Variants in TMEM273 observed in about 807,000 individuals in gnomAD.
TMEM273 encodes chromosome 10 open reading frame 128.
TMEM273 carries 19 observed loss-of-function variants against 17.9 expected under a neutral mutation model. The observed-to-expected ratio is 1.06, with a 90% CI of 0.74 to 1.55. TMEM273 has a LOEUF of 1.55. Ranked by LOEUF, TMEM273 falls within the 40% of genes most tolerant of loss-of-function variation. TMEM273 has a pLI of 0.00. For missense variants in TMEM273, 194 were observed against 155.6 expected (o/e 1.25, Z -1.31); for synonymous variants, 66 against 62.0 (o/e 1.07, Z -0.31).
chr10:49,161,498 T>A, intron 6 of TMEM273, 101 bp downstream of exon 6: 1 of 1,489,322 alleles, frequency 6.7e-7, no homozygotes, highest in Non-Finnish European at 9.4e-7. Flanking sequence ...CCGTCCCACG[T>A]GGCCAGGGGA....
At chr10:49,165,312 A>G (rs1248142349) in intron 4 of TMEM273, 29 bp from the exon 5 acceptor site, 1 of 1,550,542 alleles carries the variant, frequency 6.4e-7, no homozygotes, top group South Asian at 1.2e-5. Context: ...ATTACAGAAA[A>G]CAGCAAGTGC....
At chr10:49,183,467 C>G (rs1847477988) in intron 1 of TMEM273, among the ~76,000 whole-genome samples, 1 of 151,950 alleles carries the variant, frequency 6.6e-6, no homozygotes, top group African/African-American at 2.4e-5. Flanking sequence ...GTTCTTTGTA[C>G]TATTTTTATT....
At chr10:49,184,909 G>A (rs1000043776) in intron 1 of TMEM273, among the ~76,000 whole-genome samples, 1 of 152,336 alleles carries the variant, frequency 6.6e-6, no homozygotes, top group Non-Finnish European at 1.5e-5. Flanking sequence ...GTGGAAACTT[G>A]TAGAGTAGTT....
intron 2 of TMEM273, 56 bp from the exon 3 acceptor site, chr10:49,167,065 C>T (rs1295719814): frequency 6.3e-7 from 1 of 1,597,376 alleles, no homozygotes; most frequent in East Asian, 2.2e-5. Flanking sequence ...GCTCCCTCTG[C>T]ATTCCAGATG....
intron 6 of TMEM273, among the ~76,000 whole-genome samples, chr10:49,159,602 A>T (rs1845714600): frequency 6.6e-6 from 1 of 152,206 alleles, no homozygotes; most frequent in Non-Finnish European, 1.5e-5. Context: ...CTGCCCATTG[A>T]AAGGGCCTAG....
chr10:49,165,498 TG>T (rs1191171388), intron 4 of TMEM273: 2 of 1,429,946 alleles, frequency 1.4e-6, no homozygotes, highest in African/African-American at 1.4e-5. Context: ...GGGGTCTGAG[TG>T]GGGGTGGAAC....
chr10:49,161,706 T>C lies in TMEM273; in HGVS notation c.349-84A>G. On this transcript the variant is annotated intron_variant, in intron 5 of 6. Coordinates refer to ENST00000374153, the MANE Select transcript of TMEM273 (RefSeq NM_001288740.3). Reference sequence around the variant, plus strand: ...GCAAAACTTGCTGCAAGAGAGTGGCTTGCTTGTCATTAGCTTGCTCTTTTG... The same window carrying C: ...GCAAAACTTGCTGCAAGAGAGTGGCCTGCTTGTCATTAGCTTGCTCTTTTG... 7 of 1,551,616 alleles carry C rather than the reference T, an allele frequency of 4.5e-6. No individual in the cohort carries two copies. The South Asian group carries it at 7.8e-5, about 17-fold the overall frequency.
At chr10:49,160,331 A>G (rs1323280865) in intron 6 of TMEM273, 1 of 152,214 alleles carries the variant, frequency 6.6e-6, no homozygotes, top group East Asian at 1.9e-4. Context: ...AAAGATACAC[A>G]ACATCACTTC....
chr10:49,180,001 A>G (rs776495829), intron 1 of TMEM273, among the ~76,000 whole-genome samples: 5 of 152,192 alleles, frequency 3.3e-5, no homozygotes, highest in South Asian at 2.1e-4. Flanking sequence ...CCACTCCCCA[A>G]CGAGGGTGGT....
chr10:49,158,944 A>G (rs1485443316), intron 6 of TMEM273, among the ~76,000 whole-genome samples: 1 of 152,188 alleles, frequency 6.6e-6, no homozygotes, highest in Admixed American at 6.5e-5. Context: ...TTCTAATTTT[A>G]TTTTAAAAAG....
chr10:49,167,844 C>A, intron 2 of TMEM273, 65 bp downstream of exon 2: 1 of 1,595,872 alleles, frequency 6.3e-7, no homozygotes, highest in Non-Finnish European at 8.6e-7. Context: ...CCTCTGCTTG[C>A]TTGTCTTGGG....
intron 4 of TMEM273, 117 bp downstream of exon 4, chr10:49,165,649 C>A: frequency 1.4e-6 from 2 of 1,428,234 alleles, no homozygotes; most frequent in South Asian, 1.2e-5. Context: ...GCATTCTAGT[C>A]ACCTAGAAAG....
chr10:49,162,496 C>A (rs192677119), intron 5 of TMEM273, among the ~76,000 whole-genome samples: 2 of 152,170 alleles, frequency 1.3e-5, no homozygotes, highest in African/African-American at 4.8e-5. Flanking sequence ...AAGCAAAGTG[C>A]CTTAACTCAA....
intron 1 of TMEM273, among the ~76,000 whole-genome samples, chr10:49,170,834 C>T (rs1487869240): frequency 1.3e-5 from 2 of 152,194 alleles, no homozygotes; most frequent in East Asian, 1.9e-4. Flanking sequence ...TGGCCGGCCC[C>T]ACCCCTGCAT....
intron 1 of TMEM273, among the ~76,000 whole-genome samples, chr10:49,179,488 C>A (rs1342384818): frequency 1.3e-5 from 2 of 152,210 alleles, no homozygotes; most frequent in Non-Finnish European, 1.5e-5. Flanking sequence ...CCCCAAAGAG[C>A]ATTACTCCAA....
At chr10:49,161,528 A>G (rs1845839913) in intron 6 of TMEM273, 71 bp downstream of exon 6, 1 of 1,601,664 alleles carries the variant, frequency 6.2e-7, no homozygotes, top group Non-Finnish European at 8.6e-7. Flanking sequence ...CATGCCGAAA[A>G]CCCATGCAGC....
chr10:49,164,612 T>C (rs116360494), intron 5 of TMEM273, among the ~76,000 whole-genome samples: 5,542 of 152,248 alleles, frequency 0.036, 207 homozygotes, highest in Non-Finnish European at 0.039. Context: ...AGCGCTTCCT[T>C]CCATATCGTC....
chr10:49,157,679 G>A (rs1246599242), intron 6 of TMEM273, among the ~76,000 whole-genome samples: 1 of 152,178 alleles, frequency 6.6e-6, no homozygotes, highest in Admixed American at 6.5e-5. Context: ...AGGAACTGAT[G>A]AATGCTCCTT....
chr10:49,171,517 T>G lies in TMEM273; in HGVS notation c.44-3555A>C, dbSNP rs568103242. 2.0e-5 allele frequency among the ~76,000 whole-genome samples: 3 copies of G among 152,342 alleles called. No homozygotes were observed. In the East Asian group the frequency reaches 5.8e-4, roughly 29 times the overall value. On this transcript the variant is annotated intron_variant, in intron 1 of 6. Coordinates refer to ENST00000374153, the MANE Select transcript of TMEM273 (RefSeq NM_001288740.3). ...CTCGATGGGCTCTAGATTCTAGAGT[T>G]TCTGCTTTCTCCCTGATGCCCCATT...
Sources: gnomAD v4.1 joint callset for allele counts (sites outside exome capture counted in the v4.1 genomes callset) on GRCh38, gnomAD v4.1.1 for gene constraint, MANE v1.5 for transcripts, NCBI Gene and HGNC (gene_info 2026-07-23, HGNC 2026-07-21) for gene names.